USP33: variants seen among roughly 807,000 people sequenced by gnomAD.
USP33 encodes ubiquitin carboxyl-terminal hydrolase 33.
Under a neutral mutation model 124.2 loss-of-function variants are expected in USP33, and 46 were observed. The ratio of observed to expected loss-of-function variants is 0.37; its 90% confidence interval spans 0.29 to 0.47. USP33 has a LOEUF of 0.47. Among genes scored for constraint, USP33 ranks in the 20% least tolerant of loss-of-function variants. The probability of loss-of-function intolerance (pLI) is 0.99; values close to 1 mark genes in which losing one functional copy is unlikely to be tolerated. For synonymous variants in USP33, 350 were observed against 352.3 expected, an observed-to-expected ratio of 0.99 and a Z score of 0.07; for missense variants, 851 against 1,070.6, an observed-to-expected ratio of 0.79 and a Z score of 2.86.
chr1:77,747,765 T>G (rs558365684), intron 1 of USP33, among the ~76,000 whole-genome samples: 1 of 152,360 alleles, frequency 6.6e-6, no homozygotes, highest in East Asian at 1.9e-4. Flanking sequence ...AGTATTTCTA[T>G]AAGGCTTTGA....
chr1:77,727,197 T>C (rs190090601), intron 10 of USP33, among the ~76,000 whole-genome samples: 2 of 152,314 alleles, frequency 1.3e-5, no homozygotes, highest in East Asian at 1.9e-4. Flanking sequence ...ATGAAGTGTT[T>C]TAGGTTTGTG....
intron 1 of USP33, among the ~76,000 whole-genome samples, chr1:77,742,226 T>C (rs547504297): frequency 1.3e-5 from 2 of 152,206 alleles, no homozygotes; most frequent in African/African-American, 2.4e-5. Context: ...ATAAATTAAA[T>C]CATCTGGTAT....
intron 22 of USP33, among the ~76,000 whole-genome samples, chr1:77,699,554 G>A (rs1673776266): frequency 6.6e-6 from 1 of 152,124 alleles, no homozygotes; most frequent in Non-Finnish European, 1.5e-5. Flanking sequence ...AGATGCTGGC[G>A]AGGCTGTGGA....
At chr1:77,709,935 T>C (rs1176941305) in intron 21 of USP33, among the ~76,000 whole-genome samples, 1 of 151,414 alleles carries the variant, frequency 6.6e-6, no homozygotes, top group Non-Finnish European at 1.5e-5. Flanking sequence ...TCAGCTATTA[T>C]CATGAGTTCA....
At chr1:77,731,749 T>C (rs1427362241) in intron 7 of USP33, among the ~76,000 whole-genome samples, 1 of 152,064 alleles carries the variant, frequency 6.6e-6, no homozygotes, top group East Asian at 1.9e-4. Context: ...GGAAGCAGTA[T>C]TGTGCAGTAA....
chr1:77,712,230 T>G (rs901199720), intron 20 of USP33, among the ~76,000 whole-genome samples: 1 of 152,242 alleles, frequency 6.6e-6, no homozygotes, highest in Non-Finnish European at 1.5e-5. Context: ...AAGCATTCAA[T>G]GTATGAATTA....
Position 77,725,660 on chromosome 1 carries a change from C to T in USP33, c.1238G>A (p.Gly413Asp), listed in dbSNP as rs1436418487. The T allele has an allele frequency of 5.0e-6, 8 of 1,614,032 alleles. No homozygotes were observed. In the South Asian group the frequency reaches 7.7e-5, roughly 16 times the overall value. ...TGGTGCCAATCCTGGCCACAAATTGCCTGATTTAGGAGGGCTTGCCGATAA... is the reference window on the plus strand; with the variant it reads ...TGGTGCCAATCCTGGCCACAAATTGTCTGATTTAGGAGGGCTTGCCGATAA... ...PRLSASPPKS[G>D]NLWPGLAPPH... Residue 413 changes from glycine (G) to aspartate (D), a missense_variant, in exon 11 of 24, where the codon GGC (glycine) becomes GAC (aspartate). Around this residue, in one of 4 missense-constraint regions of USP33, gnomAD observed 207 missense variants for 200.9 expected, o/e 1.03. Transcript: ENST00000370794.
At chr1:77,713,414 T>C (rs1675496629) in intron 19 of USP33, 133 bp from the exon 20 acceptor site, 3 of 737,474 alleles carry the variant, frequency 4.1e-6, no homozygotes, top group African/African-American at 1.9e-5. Context: ...AAGGGTCTTG[T>C]TCTGTCACCC....
intron 14 of USP33, chr1:77,721,457 A>G (rs572719700): frequency 1.1e-5 from 6 of 562,060 alleles, no homozygotes; most frequent in Admixed American, 3.4e-5. Flanking sequence ...ACTGCCTGTC[A>G]TATGTCCAAG....
chr1:77,713,563 T>TTTC (rs1173273534), intron 19 of USP33: 2 of 242,984 alleles, frequency 8.2e-6, no homozygotes, highest in Non-Finnish European at 1.5e-5. Context: ...TTTTCTTTTT[T>TTTC]TTTTTTTTTT....
rs1675670703 is a variant in USP33 at position 77,714,746 on chromosome 1, T to A, written c.2083A>T (p.Ile695Leu). Residue 695 changes from isoleucine to leucine, a missense_variant, in exon 19 of 24, where the codon ATA becomes TTA. By Grantham distance (5) the Ile-to-Leu change is conservative. Around this residue, in one of 4 missense-constraint regions of USP33, gnomAD observed 281 missense variants for 425.0 expected, o/e 0.66. Transcript: ENST00000370794. ...TCCATTATGTTCAATAAATTTGATA[T>A]CCTTCTCCTCTCTTTTTGTGCCTCT... Reference protein sequence around the residue: ...SEEAQKERRRISNLLNIMEPS... With the variant: ...SEEAQKERRRLSNLLNIMEPS... 3 of 1,612,364 alleles carry A rather than the reference T, an allele frequency of 1.9e-6. No individual in the cohort carries two copies. Among genetic ancestry groups the A allele is most frequent in the South Asian group, 2.2e-5 (2 of 90,944 alleles).
chr1:77,714,829 A>G (rs755410032), intron 18 of USP33, 46 bp from the exon 19 acceptor site: 10 of 1,575,822 alleles, frequency 6.3e-6, no homozygotes, highest in Non-Finnish European at 8.6e-6. Context: ...ATTTTACTAC[A>G]TTACTAGTAG....
chr1:77,734,644 A>G (rs1483115134), intron 6 of USP33, among the ~76,000 whole-genome samples: 1 of 152,268 alleles, frequency 6.6e-6, no homozygotes, highest in Admixed American at 6.5e-5. Context: ...TTGCACAGGA[A>G]GAACAGTCTT....
chr1:77,699,015 C>T (rs1673723585), intron 22 of USP33, among the ~76,000 whole-genome samples: 1 of 151,848 alleles, frequency 6.6e-6, no homozygotes, highest in Admixed American at 6.6e-5. Context: ...GCATGGTCAT[C>T]ATCAAAAGTT....
In USP33 at chr1:77,759,816, A is replaced by G. The variant is rs1480793438; in HGVS notation, c.-225T>C. On this transcript the variant is annotated 5_prime_UTR_variant, in exon 1 of 24. Transcript: ENST00000370794. ...GGGGGGTCCGCCTCCTGAACTGGCC[A>G]CTTCCCGCAGCAGCCGCGGCTCCTT... The G allele has an allele frequency of 1.8e-5, 7 of 396,896 alleles. No homozygotes were observed. In the South Asian group the frequency reaches 6.5e-4, roughly 37 times the overall value. The allele number at this position is 396,896 out of a possible 1,614,324, so 24.6% of individuals were successfully genotyped here.
chr1:77,738,228 C>G (rs1467458046), intron 5 of USP33, among the ~76,000 whole-genome samples: 1 of 152,128 alleles, frequency 6.6e-6, no homozygotes, highest in Non-Finnish European at 1.5e-5. Flanking sequence ...ACAGAAAAAC[C>G]TGACAGTTGG....
chr1:77,719,596 T>TA (rs1296766247), intron 15 of USP33, among the ~76,000 whole-genome samples: 1 of 152,214 alleles, frequency 6.6e-6, no homozygotes, highest in Non-Finnish European at 1.5e-5. Context: ...CTCACGCCTA[T>TA]AATCCCAGCA....
At chr1:77,744,728 C>T (rs915331252) in intron 1 of USP33, among the ~76,000 whole-genome samples, 3 of 152,002 alleles carry the variant, frequency 2.0e-5, no homozygotes, top group African/African-American at 4.8e-5. Context: ...GCCTATAGTC[C>T]CACCTACTCA....
chr1:77,716,593 C>T (rs991508578), intron 17 of USP33, among the ~76,000 whole-genome samples: 1 of 152,154 alleles, frequency 6.6e-6, no homozygotes, highest in African/African-American at 2.4e-5. Context: ...ATATTGCAAA[C>T]CTCCCCAGTA....
Sources: allele counts gnomAD v4.1 joint callset (sites outside exome capture counted in the v4.1 genomes callset), GRCh38; gene constraint gnomAD v4.1.1; regional missense constraint gnomAD v4.1.1; transcripts MANE v1.5; gene names NCBI Gene and HGNC (gene_info 2026-07-23, HGNC 2026-07-21).